The following SPART variants were observed in gnomAD, a reference collection of about 807,000 sequenced individuals.
SPART encodes the protein spartin.
A neutral mutation model predicts 58.7 loss-of-function variants in SPART; 35 were observed. The observed-to-expected ratio is 0.60, with a 90% CI of 0.46 to 0.79. SPART has a LOEUF of 0.79. Among genes scored for constraint, SPART ranks in the 30% least tolerant of loss-of-function variants. The pLI is 0.00. For missense variants in SPART, 730 were observed against 786.1 expected, an observed-to-expected ratio of 0.93 and a Z score of 0.85; for synonymous variants, 284 against 280.7, an observed-to-expected ratio of 1.01 and a Z score of -0.12.
intron 1 of SPART, among the ~76,000 whole-genome samples, chr13:36,365,124 T>G (rs1241487193): frequency 6.6e-6 from 1 of 152,244 alleles, no homozygotes; most frequent in Non-Finnish European, 1.5e-5. Context: ...CGTGTCCTGC[T>G]GCTGCCAGGA....
Position 36,303,072 on chromosome 13 carries a change from C to A in SPART, c.*1293G>T, listed in dbSNP as rs1435002855. On this transcript the variant is annotated 3_prime_UTR_variant, in exon 9 of 9. Coordinates refer to ENST00000438666, the MANE Select transcript of SPART (RefSeq NM_015087.5). ...CCATTTTAACAACTAGTACATTATC[C>A]TTGGCCTTAGGAAAAGCCTCCATCA... 3 of 152,162 alleles carry A rather than the reference C, an allele frequency of 2.0e-5. No homozygotes were observed. The highest frequency in any genetic ancestry group is 7.2e-5 in the African/African-American group (3 of 41,434). The allele number at this position is 152,162 out of a possible 1,614,324, so 9.4% of individuals were successfully genotyped here.
intron 1 of SPART, among the ~76,000 whole-genome samples, chr13:36,358,128 A>C (rs548760164): frequency 2.0e-5 from 3 of 152,208 alleles, no homozygotes; most frequent in African/African-American, 7.2e-5. Flanking sequence ...TAGAAAAAAA[A>C]AGAAAAACCT....
chr13:36,368,599 A>G (rs376922602), intron 1 of SPART, among the ~76,000 whole-genome samples: 43 of 152,380 alleles, frequency 2.8e-4, no homozygotes, highest in East Asian at 2.1e-3. Context: ...AAGTGAGGCT[A>G]TCAATATTAT....
At chr13:36,347,016 A>G (rs1885191885), upstream of SPART, among the ~76,000 whole-genome samples, 1 of 152,218 alleles carries the variant, frequency 6.6e-6, no homozygotes, top group Non-Finnish European at 1.5e-5. Context: ...TCACTATCAT[A>G]AAACTGTTAG....
At chr13:36,347,065 A>G (rs1885193868), upstream of SPART, among the ~76,000 whole-genome samples, 1 of 152,172 alleles carries the variant, frequency 6.6e-6, no homozygotes. Context: ...ATCAAGATGA[A>G]CATACTTTAC....
chr13:36,351,641 A>G (rs990740988), intron 1 of SPART, among the ~76,000 whole-genome samples: 6 of 152,202 alleles, frequency 3.9e-5, no homozygotes, highest in African/African-American at 1.4e-4. Flanking sequence ...TAGGAATGAT[A>G]TATGCCTATT....
Position 36,314,304 on chromosome 13 carries a change from A to C in SPART, c.1406T>G (p.Val469Gly). The C allele has an allele frequency of 6.2e-7, 1 of 1,614,142 alleles. No individual in the cohort carries two copies. Among genetic ancestry groups the C allele is most frequent in the Non-Finnish European group, 8.5e-7 (1 of 1,180,020 alleles). Reference sequence around the variant, plus strand: ...AAGTCCCTTGGTGACAGCTGGACTAACTTCCACGGGTTTTTCTTCTGGTTG... The same window carrying C: ...AAGTCCCTTGGTGACAGCTGGACTACCTTCCACGGGTTTTTCTTCTGGTTG... ...RIQPEEKPVE[V>G]SPAVTKGLYI... is the part of the protein sequence containing the mutation. Residue 469 changes from valine to glycine, a missense_variant, in exon 6 of 9, where the codon GTT becomes GGT. Coordinates refer to ENST00000438666, the MANE Select transcript of SPART (RefSeq NM_015087.5).
At chr13:36,367,373 T>C (rs1050680896) in intron 1 of SPART, among the ~76,000 whole-genome samples, 1 of 152,102 alleles carries the variant, frequency 6.6e-6, no homozygotes, top group East Asian at 1.9e-4. Flanking sequence ...AGGGCCAGCT[T>C]TTTCGCAGTT....
intron 8 of SPART, among the ~76,000 whole-genome samples, chr13:36,311,934 A>T (rs2137311395): frequency 6.6e-6 from 1 of 151,972 alleles, no homozygotes; most frequent in East Asian, 1.9e-4. Flanking sequence ...CTAAAAAAAA[A>T]AAATTAGCCG....
In SPART at chr13:36,302,901, C is replaced by T. The variant is rs1880128211; in HGVS notation, c.*1464G>A. 6.6e-6 allele frequency: 1 copy of T among 152,170 alleles called. No homozygotes were observed. Among genetic ancestry groups the T allele is most frequent in the Non-Finnish European group, 1.5e-5 (1 of 68,016 alleles). The allele number at this position is 152,170 out of a possible 1,614,324, so 9.4% of individuals were successfully genotyped here. A position where few individuals can be genotyped will look rare whatever the true frequency, so the allele number is the denominator to read the frequency against. On this transcript the variant is annotated 3_prime_UTR_variant, in exon 9 of 9. Coordinates refer to ENST00000438666, the MANE Select transcript of SPART (RefSeq NM_015087.5). Reference sequence around the variant, plus strand: ...CCATCCCTTCAATGCCTCCCAGCCTCTGGTAACCATCATTCTACTCTCTAT... The same window carrying T: ...CCATCCCTTCAATGCCTCCCAGCCTTTGGTAACCATCATTCTACTCTCTAT...
At chr13:36,345,142 C>T (rs185306652) in intron 1 of SPART, among the ~76,000 whole-genome samples, 69 of 152,272 alleles carry the variant, frequency 4.5e-4, no homozygotes, top group Admixed American at 3.9e-3. Flanking sequence ...GCCTATTTGG[C>T]CCTTTACCAA....
intron 5 of SPART, among the ~76,000 whole-genome samples, chr13:36,315,651 G>A (rs1361869391): frequency 6.6e-6 from 1 of 152,194 alleles, no homozygotes; most frequent in Non-Finnish European, 1.5e-5. Flanking sequence ...CTGGGGAAGT[G>A]CAGGATTCAA....
chr13:36,305,220 C>T (rs1880398602), intron 8 of SPART, among the ~76,000 whole-genome samples: 1 of 152,146 alleles, frequency 6.6e-6, no homozygotes, highest in South Asian at 2.1e-4. Flanking sequence ...TCTGCTTGGA[C>T]TTCCCATAGC....
In SPART at chr13:36,335,769, T is replaced by G; in HGVS notation, c.62A>C (p.Lys21Thr). 1 of 1,613,994 alleles carries G rather than the reference T, an allele frequency of 6.2e-7. No homozygotes were observed. The highest frequency in any genetic ancestry group is 8.5e-7 in the Non-Finnish European group (1 of 1,180,008). Residue 21 changes from lysine to threonine, a missense_variant, in exon 2 of 9, where the codon AAG (lysine) becomes ACG (threonine). Physicochemically the swap from Lys to Thr is moderately conservative, Grantham distance 78. Transcript: ENST00000438666. ...AEIKIIREAY[K>T]KAFLFVNKGL... is the part of the protein sequence containing the mutation. ...TTTGTTAACAAATAAAAAGGCCTTC[T>G]TATATGCTTCTCTGATGATCTTAAT...
rs116683770 is a variant in SPART at position 36,333,685 on chromosome 13, C to T, written c.810+1336G>A. 4.6e-3 allele frequency among the ~76,000 whole-genome samples: 698 copies of T among 152,190 alleles called. 8 individuals are homozygous for T. The highest frequency in any genetic ancestry group is 0.016 in the African/African-American group (644 of 41,536). On this transcript the variant is annotated intron_variant, in intron 2 of 8. Transcript: ENST00000438666. ...TTCAATGGATGAGTGAATGTAACCA[C>T]GGTACAGTATTTCTGCCATTCACTA...
At chr13:36,310,379 C>T (rs187956996) in intron 8 of SPART, among the ~76,000 whole-genome samples, 1 of 152,008 alleles carries the variant, frequency 6.6e-6, no homozygotes, top group African/African-American at 2.4e-5. Context: ...GACCTTGATT[C>T]TTCTAGTATT....
At chr13:36,313,171 AAAC>A (rs1186886553) in intron 6 of SPART, among the ~76,000 whole-genome samples, 8 of 152,142 alleles carry the variant, frequency 5.3e-5, no homozygotes, top group Non-Finnish European at 1.0e-4. Context: ...AGTTTTTCTC[AAAC>A]AACAGATCCC....
At chr13:36,317,554 C>T (rs1273878094) in intron 5 of SPART, among the ~76,000 whole-genome samples, 1 of 151,464 alleles carries the variant, frequency 6.6e-6, no homozygotes, top group Non-Finnish European at 1.5e-5. Flanking sequence ...TGCCCTGACC[C>T]CTTATTTCTG....
intron 1 of SPART, among the ~76,000 whole-genome samples, chr13:36,366,500 A>G (rs916481375): frequency 6.6e-6 from 1 of 152,192 alleles, no homozygotes; most frequent in African/African-American, 2.4e-5. Context: ...AGCAGTTTCA[A>G]TGAATCAATC....
Sources: gnomAD v4.1 joint callset for allele counts (sites outside exome capture counted in the v4.1 genomes callset) on GRCh38, gnomAD v4.1.1 for gene constraint, MANE v1.5 for transcripts, NCBI Gene and HGNC (gene_info 2026-07-23, HGNC 2026-07-21) for gene names.